The following ZNF804B variants were observed in gnomAD, a reference collection of about 807,000 sequenced individuals.
ZNF804B encodes zinc finger protein 804B.
Under a neutral mutation model 101.4 loss-of-function variants are expected in ZNF804B, and 80 were observed. That is an observed-to-expected ratio of 0.79 (90% confidence interval 0.66 to 0.95). The LOEUF is 0.95. Among genes scored for constraint, ZNF804B ranks in the 40% least tolerant of loss-of-function variants. The probability of loss-of-function intolerance (pLI) is 0.00; values close to 1 mark genes in which losing one functional copy is unlikely to be tolerated. For missense variants in ZNF804B, 1,673 were observed against 1,561.9 expected, an observed-to-expected ratio of 1.07 and a Z score of -1.20; for synonymous variants, 622 against 558.8, an observed-to-expected ratio of 1.11 and a Z score of -1.59.
At chr7:88,986,752 T>A (rs968798525) in intron 1 of ZNF804B, among the ~76,000 whole-genome samples, 19 of 152,150 alleles carry the variant, frequency 1.2e-4, no homozygotes, top group South Asian at 6.2e-4. Context: ...TATTTCTAGA[T>A]CTTTGTGTAT....
Position 88,992,995 on chromosome 7 carries a change from G to A in ZNF804B, c.109-225160G>A, listed in dbSNP as rs181182923. ...TTTTTTATTTGTTGTATTTAATTAT[G>A]AGTGATATTACAAAGATCACATATT... is the stretch of plus-strand genomic sequence containing the variant. On this transcript the variant is annotated intron_variant, in intron 1 of 3. Transcript: ENST00000333190. Among the ~76,000 whole-genome samples the A allele has an allele frequency of 2.1e-3, 322 of 151,636 alleles. 1 individual carries two copies. The highest frequency in any genetic ancestry group is 7.7e-3 in the African/African-American group (318 of 41,420).
intron 1 of ZNF804B, among the ~76,000 whole-genome samples, chr7:88,935,206 TTATAAG>T (rs1478205751): frequency 6.6e-6 from 1 of 151,664 alleles, no homozygotes; most frequent in Non-Finnish European, 1.5e-5. Flanking sequence ...ATGTTCTCAC[TTATAAG>T]TGAGAGCTAA....
chr7:88,926,680 G>A (rs1358519711), intron 1 of ZNF804B, among the ~76,000 whole-genome samples: 1 of 151,988 alleles, frequency 6.6e-6, no homozygotes, highest in Admixed American at 6.6e-5. Context: ...GCCCCATATG[G>A]AAGTGGGAGG....
chr7:88,916,740 A>G (rs944121890), intron 1 of ZNF804B, among the ~76,000 whole-genome samples: 3 of 152,150 alleles, frequency 2.0e-5, no homozygotes, highest in Admixed American at 6.6e-5. Flanking sequence ...AGGATGTTAT[A>G]TTATGAAATG....
chr7:88,865,573 A>G (rs550994252), intron 1 of ZNF804B, among the ~76,000 whole-genome samples: 2 of 152,244 alleles, frequency 1.3e-5, no homozygotes, highest in East Asian at 1.9e-4. Context: ...GCATATATAA[A>G]ATGAAAACAA....
At chr7:89,320,096 T>C (rs1445897515) in intron 2 of ZNF804B, among the ~76,000 whole-genome samples, 1 of 152,014 alleles carries the variant, frequency 6.6e-6, no homozygotes, top group East Asian at 1.9e-4. Context: ...ATACCTAATG[T>C]AGGTGATGGG....
intron 2 of ZNF804B, among the ~76,000 whole-genome samples, chr7:89,270,862 C>G (rs1254323523): frequency 6.6e-6 from 1 of 152,140 alleles, no homozygotes; most frequent in African/African-American, 2.4e-5. Context: ...ATTTGGCTCT[C>G]TGTTTGTCTG....
chr7:89,116,046 A>G (rs1017337267), intron 1 of ZNF804B, among the ~76,000 whole-genome samples: 2 of 150,888 alleles, frequency 1.3e-5, no homozygotes, highest in Non-Finnish European at 2.9e-5. Flanking sequence ...CTGGGACTAC[A>G]GGCACATGCC....
rs1207481718 is a variant in ZNF804B at position 89,211,820 on chromosome 7, T to TAC, written c.109-6331_109-6330dup. Among the ~76,000 whole-genome samples, 3 of 152,224 alleles carry TAC rather than the reference T, an allele frequency of 2.0e-5. No individual in the cohort carries two copies. The East Asian group carries it at 5.8e-4, about 29-fold the overall frequency. Reference sequence around the variant, plus strand: ...TCTTTTAGCTTAGGATTGTCATTGCTACACAAGCTCTTTTTTGAATCTATA... The same window carrying TAC: ...TCTTTTAGCTTAGGATTGTCATTGCTACACACAAGCTCTTTTTTGAATCTATA... On this transcript the variant is annotated intron_variant, in intron 1 of 3. Coordinates refer to ENST00000333190, the MANE Select transcript of ZNF804B (RefSeq NM_181646.5).
At chr7:89,143,327 C>T (rs976796701) in intron 1 of ZNF804B, among the ~76,000 whole-genome samples, 2 of 151,814 alleles carry the variant, frequency 1.3e-5, no homozygotes, top group Non-Finnish European at 2.9e-5. Context: ...TTATTACAAA[C>T]TCCATCCTTT....
At chr7:88,828,325 T>A (rs966855312) in intron 1 of ZNF804B, among the ~76,000 whole-genome samples, 1 of 152,164 alleles carries the variant, frequency 6.6e-6, no homozygotes, top group Admixed American at 6.5e-5. Context: ...TTGGGCTCCT[T>A]CTCAGTCAAC....
chr7:88,918,047 G>A (rs1235011576), intron 1 of ZNF804B, among the ~76,000 whole-genome samples: 1 of 151,996 alleles, frequency 6.6e-6, no homozygotes, highest in Non-Finnish European at 1.5e-5. Context: ...AAACTACCTT[G>A]GTAATGAAAC....
intron 1 of ZNF804B, among the ~76,000 whole-genome samples, chr7:89,163,953 A>C (rs922249164): frequency 6.6e-6 from 1 of 151,638 alleles, no homozygotes; most frequent in African/African-American, 2.4e-5. Flanking sequence ...TAGGTTGGCA[A>C]ATATAAGCTG....
chr7:88,806,470 C>G (rs774130348), intron 1 of ZNF804B, among the ~76,000 whole-genome samples: 46 of 151,960 alleles, frequency 3.0e-4, no homozygotes, highest in African/African-American at 1.1e-3. Context: ...AGTTAACTTT[C>G]GTATCTGGCA....
At chr7:89,152,532 G>A (rs1350410789) in intron 1 of ZNF804B, among the ~76,000 whole-genome samples, 5 of 152,084 alleles carry the variant, frequency 3.3e-5, no homozygotes, top group Non-Finnish European at 4.4e-5. Flanking sequence ...AACATATGCA[G>A]AAAGAGGTGT....
chr7:88,871,804 A>C (rs1791826954), intron 1 of ZNF804B, among the ~76,000 whole-genome samples: 1 of 151,902 alleles, frequency 6.6e-6, no homozygotes, highest in South Asian at 2.1e-4. Context: ...TCTCAACTAT[A>C]AAAAAATACA....
At chr7:89,082,425 CTA>C (rs1789710106) in intron 1 of ZNF804B, among the ~76,000 whole-genome samples, 1 of 151,464 alleles carries the variant, frequency 6.6e-6, no homozygotes, top group African/African-American at 2.4e-5. Context: ...GTAATGTTCT[CTA>C]TTTTCCATTT....
At chr7:89,040,854 G>T (rs1460417552) in intron 1 of ZNF804B, among the ~76,000 whole-genome samples, 1 of 152,088 alleles carries the variant, frequency 6.6e-6, no homozygotes, top group Non-Finnish European at 1.5e-5. Context: ...TTGGGACAGG[G>T]CCTAGAGCCT....
At chr7:88,823,612 A>G (rs1791014383) in intron 1 of ZNF804B, among the ~76,000 whole-genome samples, 1 of 152,044 alleles carries the variant, frequency 6.6e-6, no homozygotes, top group Admixed American at 6.6e-5. Context: ...TCAGTGGGGA[A>G]TGGCAGTGGT....
Sources: allele counts gnomAD v4.1 joint callset (sites outside exome capture counted in the v4.1 genomes callset), GRCh38; gene constraint gnomAD v4.1.1; transcripts MANE v1.5; gene names NCBI Gene and HGNC (gene_info 2026-07-23, HGNC 2026-07-21).